Variants in SEPTIN9 observed in about 807,000 individuals in gnomAD.
SEPTIN9 encodes septin 9, also known as septin-9.
A neutral mutation model predicts 56.6 loss-of-function variants in SEPTIN9; 13 were observed. The ratio of observed to expected loss-of-function variants is 0.23; its 90% CI spans 0.15 to 0.37. SEPTIN9 has a LOEUF of 0.37. Among genes scored for constraint, SEPTIN9 ranks in the 10% least tolerant of loss-of-function variants. The pLI is 1.00. For synonymous variants in SEPTIN9, 332 were observed against 334.1 expected (o/e 0.99, Z 0.07); for missense variants, 650 against 823.1 (o/e 0.79, Z 2.57).
At chr17:77,477,397 G>T (rs2039261379) in intron 3 of SEPTIN9, among the ~76,000 whole-genome samples, 1 of 152,182 alleles carries the variant, frequency 6.6e-6, no homozygotes, top group Admixed American at 6.5e-5. Context: ...AACCCTAAAA[G>T]ATGTGACTTT....
chr17:77,434,629 G>A lies in SEPTIN9; in HGVS notation c.721+31926G>A, dbSNP rs1394299315. Among the ~76,000 whole-genome samples the A allele has an allele frequency of 2.0e-5, 3 of 152,132 alleles. No individual in the cohort carries two copies. Among genetic ancestry groups the A allele is most frequent in the East Asian group, 3.9e-4 (2 of 5,176 alleles). On this transcript the variant is annotated intron_variant, in intron 3 of 11. Coordinates refer to ENST00000427177, the MANE Select transcript of SEPTIN9 (RefSeq NM_001113491.2). This position sits in a 1 kb window ranked among gnomAD's most constrained non-coding sequence, Gnocchi z 5.0. ...TGGCAGGACCTGCACCATGACCCCC[G>A]TCAAAGCTCACGTCCAAGGCATTTG... is the stretch of plus-strand genomic sequence containing the variant.
intron 3 of SEPTIN9, among the ~76,000 whole-genome samples, chr17:77,470,376 A>G (rs2038939761): frequency 6.7e-6 from 1 of 149,458 alleles, no homozygotes; most frequent in Non-Finnish European, 1.5e-5. Flanking sequence ...TTATCCATCC[A>G]TCCACTCATC....
intron 2 of SEPTIN9, among the ~76,000 whole-genome samples, chr17:77,379,534 C>T (rs2035065042): frequency 6.6e-6 from 1 of 152,182 alleles, no homozygotes; most frequent in Admixed American, 6.5e-5. Context: ...CCCTGATAGC[C>T]TGGTGCCGGG....
intron 2 of SEPTIN9, among the ~76,000 whole-genome samples, chr17:77,392,809 A>G (rs1280283108): frequency 6.6e-6 from 1 of 151,928 alleles, no homozygotes; most frequent in Non-Finnish European, 1.5e-5. Context: ...CCTGTCCCTA[A>G]ACAAATGTGG....
At chr17:77,486,511 TGTGTGTGTGTGCGCGCACGC>T (rs934631847) in intron 4 of SEPTIN9, among the ~76,000 whole-genome samples, 3 of 97,208 alleles carry the variant, frequency 3.1e-5, no homozygotes, top group African/African-American at 6.3e-5. Flanking sequence ...TGTGTGTGTG[TGTGTGTGTGTGCGCGCACGC>T]GCGCGCGTGT....
chr17:77,373,096 T>G lies in SEPTIN9; in HGVS notation c.77-28963T>G, dbSNP rs971967256. On this transcript the variant is annotated intron_variant, in intron 2 of 11. Transcript: ENST00000427177. ...GGGGGAGGGGCTGAGGCCGCGTCTC[T>G]CGCCGTCCCCTGGGCGCGGGCCAGG... 4 of 733,304 alleles carry G rather than the reference T, an allele frequency of 5.5e-6. No homozygotes were observed. In the South Asian group the frequency reaches 2.5e-4, roughly 46 times the overall value. 45.4% of individuals were successfully genotyped at this position (733,304 alleles called of 1,614,324 possible).
At chr17:77,416,402 G>T (rs1313510572) in intron 3 of SEPTIN9, among the ~76,000 whole-genome samples, 2 of 152,204 alleles carry the variant, frequency 1.3e-5, no homozygotes, top group African/African-American at 4.8e-5. Flanking sequence ...CTTGGCGTTG[G>T]TGCTGAGCCC....
intron 2 of SEPTIN9, among the ~76,000 whole-genome samples, chr17:77,311,532 C>G (rs2032493749): frequency 6.6e-6 from 1 of 152,176 alleles, no homozygotes; most frequent in South Asian, 2.1e-4. Context: ...TCGCTGCCTC[C>G]CTTCATCCTA....
intron 2 of SEPTIN9, among the ~76,000 whole-genome samples, chr17:77,339,724 G>A (rs575130129): frequency 6.6e-6 from 1 of 152,096 alleles, no homozygotes; most frequent in African/African-American, 2.4e-5. Context: ...TGGCCAGGCT[G>A]GTCTCGAACT....
chr17:77,499,296 C>G lies in SEPTIN9; in HGVS notation c.*638C>G. 1 of 597,950 alleles carries G rather than the reference C, an allele frequency of 1.7e-6. No homozygotes were observed. The highest frequency in any genetic ancestry group is 3.2e-6 in the Non-Finnish European group (1 of 309,040). The allele number at this position is 597,950 out of a possible 1,614,324, so 37.0% of individuals were successfully genotyped here. On this transcript the variant is annotated 3_prime_UTR_variant, in exon 12 of 12. Transcript: ENST00000427177. ...CCTGGAGCAGAAAGTGCCTTTATCT[C>G]AGCCATCCGCAGACTGCTTGGCCAG... is the stretch of plus-strand genomic sequence containing the variant.
At chr17:77,388,023 C>T (rs1037557398) in intron 2 of SEPTIN9, among the ~76,000 whole-genome samples, 4 of 152,184 alleles carry the variant, frequency 2.6e-5, no homozygotes, top group African/African-American at 9.6e-5. Context: ...CTGGTCTCAG[C>T]GCCTACTCCT....
At chr17:77,357,385 A>T (rs1489928562) in intron 2 of SEPTIN9, among the ~76,000 whole-genome samples, 2 of 151,794 alleles carry the variant, frequency 1.3e-5, no homozygotes, top group African/African-American at 4.8e-5. Context: ...TGTTCAAAAC[A>T]CATGGTCAAG....
intron 2 of SEPTIN9, among the ~76,000 whole-genome samples, chr17:77,335,896 A>G (rs1598210795): frequency 8.0e-6 from 1 of 124,300 alleles, no homozygotes; most frequent in East Asian, 1.9e-4. Flanking sequence ...GTACATATAT[A>G]CATGTAGGCC....
chr17:77,430,344 G>T (rs2037079569), intron 3 of SEPTIN9, among the ~76,000 whole-genome samples: 1 of 152,196 alleles, frequency 6.6e-6, no homozygotes, highest in Non-Finnish European at 1.5e-5. Flanking sequence ...CACACCCCCA[G>T]CGGCTCCCTC....
Position 77,402,278 on chromosome 17 carries a change from A to G in SEPTIN9, c.296A>G (p.Lys99Arg), listed in dbSNP as rs960214370. The G allele has an allele frequency of 1.2e-6, 2 of 1,611,682 alleles. No homozygotes were observed. The highest frequency in any genetic ancestry group is 1.7e-6 in the Non-Finnish European group (2 of 1,179,662). Residue 99 changes from lysine to arginine, a missense_variant, in exon 3 of 12, where the codon AAG becomes AGG. This residue lies in a region of SEPTIN9 where 317 missense variants were observed against 329.1 expected (regional missense o/e 0.96). Transcript: ENST00000427177. The surrounding 1 kb of genome is among the most constrained non-coding windows in gnomAD (Gnocchi z 6.6). ...CGGAGGGTGGAGCTCTCGGGCCCCA[A>G]GGCGGCCGAGCCGGTGTCCCGGCGC... ...SLRRVELSGPKAAEPVSRRTE... is the reference protein window; with the variant it reads ...SLRRVELSGPRAAEPVSRRTE...
At chr17:77,351,877 G>A (rs1174339379) in intron 2 of SEPTIN9, among the ~76,000 whole-genome samples, 1 of 152,372 alleles carries the variant, frequency 6.6e-6, no homozygotes, top group Middle Eastern at 3.4e-3. Context: ...CAGGGGCCCC[G>A]ACATGGCAGG....
intron 2 of SEPTIN9, among the ~76,000 whole-genome samples, chr17:77,372,117 C>A (rs1368005847): frequency 6.6e-6 from 1 of 152,156 alleles, no homozygotes; most frequent in Non-Finnish European, 1.5e-5. Flanking sequence ...AGCGTTGCGG[C>A]CTGCTGCTTC....
At chr17:77,469,276 G>GCAGAGGCTGAGAGAATAGCCAGAGA (rs2038877624) in intron 3 of SEPTIN9, 1 of 153,078 alleles carries the variant, frequency 6.5e-6, no homozygotes, top group Non-Finnish European at 1.5e-5. Flanking sequence ...GGAGGAGACG[G>GCAGAGGCTGAGAGAATAGCCAGAGA]CAGAGGCTGA....
rs201409034 is a variant in SEPTIN9, at chr17:77,498,596, G to A, written c.1699G>A (p.Glu567Lys). ...GGCGTACCGTGTGAAGCGCCTCAAC[G>A]AGGGCAGCAGCGCCATGGCCAACGG... ...FEAYRVKRLN[E>K]GSSAMANGME... Residue 567 changes from glutamate (E) to lysine (K), a missense_variant, in exon 12 of 12, where the codon GAG becomes AAG. Transcript: ENST00000427177. 2.3e-4 allele frequency: 362 copies of A among 1,608,686 alleles called. 1 individual carries two copies. Among genetic ancestry groups the A allele is most frequent in the Non-Finnish European group, 2.7e-4 (319 of 1,178,526 alleles).
Sources: gnomAD v4.1 joint callset for allele counts (sites outside exome capture counted in the v4.1 genomes callset) on GRCh38, gnomAD v4.1.1 for gene constraint, gnomAD v4.1.1 regional missense constraint, Gnocchi (gnomAD v3.1) non-coding constraint, MANE v1.5 for transcripts, NCBI Gene and HGNC (gene_info 2026-07-23, HGNC 2026-07-21) for gene names.